Variants in CNTN4 observed in about 807,000 individuals in gnomAD.
CNTN4 encodes contactin 4.
Under a neutral mutation model 122.5 loss-of-function variants are expected in CNTN4, and 77 were observed. The observed-to-expected ratio is 0.63, with a 90% CI of 0.52 to 0.76. The LOEUF is 0.76. Ranked by LOEUF, CNTN4 falls within the 30% of genes least tolerant of loss-of-function variation. The pLI, the probability that CNTN4 is intolerant of heterozygous loss-of-function variation, is 0.00. For synonymous variants in CNTN4, 512 were observed against 447.0 expected (o/e 1.15, Z -1.83); for missense variants, 1,256 against 1,259.1 (o/e 1.00, Z 0.04).
intron 2 of CNTN4, among the ~76,000 whole-genome samples, chr3:2,119,769 A>T (rs556980152): frequency 4.3e-4 from 63 of 146,822 alleles, no homozygotes; most frequent in African/African-American, 1.5e-3. Flanking sequence ...ACCAAGCTAG[A>T]TCCTATGGGT....
At chr3:2,684,683 T>G (rs2085341363) in intron 4 of CNTN4, among the ~76,000 whole-genome samples, 1 of 152,218 alleles carries the variant, frequency 6.6e-6, no homozygotes, top group African/African-American at 2.4e-5. Context: ...TTCTCTTCAC[T>G]TATAAATACT....
At chr3:2,559,433 C>T (rs548400506) in intron 3 of CNTN4, among the ~76,000 whole-genome samples, 3 of 152,268 alleles carry the variant, frequency 2.0e-5, no homozygotes, top group South Asian at 4.2e-4. Flanking sequence ...AAATAAGGGA[C>T]TCACATAATC....
intron 12 of CNTN4, among the ~76,000 whole-genome samples, chr3:2,919,519 C>T (rs2094406135): frequency 1.3e-5 from 2 of 152,142 alleles, no homozygotes; most frequent in African/African-American, 4.8e-5. Flanking sequence ...AACTGATGTT[C>T]TAATAATAGC....
chr3:2,187,108 G>A (rs1251711375), intron 2 of CNTN4, among the ~76,000 whole-genome samples: 5 of 152,122 alleles, frequency 3.3e-5, no homozygotes, highest in Non-Finnish European at 7.3e-5. Context: ...TTTTGTATAA[G>A]GTGTAAGGAA....
At chr3:2,915,647 G>A (rs2094345567) in intron 12 of CNTN4, among the ~76,000 whole-genome samples, 1 of 152,234 alleles carries the variant, frequency 6.6e-6, no homozygotes, top group Admixed American at 6.5e-5. Context: ...CCACTTTACA[G>A]TCAGAAAATT....
At chr3:2,707,225 G>A (rs2086794785) in intron 4 of CNTN4, among the ~76,000 whole-genome samples, 1 of 151,622 alleles carries the variant, frequency 6.6e-6, no homozygotes, top group Non-Finnish European at 1.5e-5. Flanking sequence ...AGAGTCACTG[G>A]AACCCAGGAG....
chr3:2,976,563 C>T (rs1044802671), intron 13 of CNTN4, among the ~76,000 whole-genome samples: 14 of 152,174 alleles, frequency 9.2e-5, no homozygotes, highest in South Asian at 2.1e-4. Flanking sequence ...TGAAATTACC[C>T]CGGGAGGAGG....
chr3:2,433,383 C>T (rs908300543), intron 3 of CNTN4, among the ~76,000 whole-genome samples: 43 of 152,088 alleles, frequency 2.8e-4, no homozygotes, highest in African/African-American at 8.7e-4. Context: ...CCCTGATTAT[C>T]GGTGATGATG....
At chr3:2,807,691 T>C (rs2092502712) in intron 6 of CNTN4, among the ~76,000 whole-genome samples, 1 of 151,538 alleles carries the variant, frequency 6.6e-6, no homozygotes, top group Non-Finnish European at 1.5e-5. Flanking sequence ...GAGCAATGAG[T>C]CTAAGCATGA....
Position 2,769,621 on chromosome 3 carries a change from C to G in CNTN4, c.358+23924C>G, listed in dbSNP as rs1035703293. Reference sequence around the variant, plus strand: ...AAAATTGTGGTGGTACTGGTGGTAACTTTTAGTATCCATAGTTAGAAACAC... The same window carrying G: ...AAAATTGTGGTGGTACTGGTGGTAAGTTTTAGTATCCATAGTTAGAAACAC... On this transcript the variant is annotated intron_variant, in intron 6 of 24. Coordinates refer to ENST00000418658, the MANE Select transcript of CNTN4 (RefSeq NM_175607.3). 5.9e-5 allele frequency among the ~76,000 whole-genome samples: 9 copies of G among 152,106 alleles called. 1 individual carries two copies. Among genetic ancestry groups the G allele is most frequent in the Non-Finnish European group, 1.3e-4 (9 of 68,026 alleles).
intron 3 of CNTN4, among the ~76,000 whole-genome samples, chr3:2,371,620 C>G (rs975074005): frequency 6.6e-6 from 1 of 152,056 alleles, no homozygotes; most frequent in African/African-American, 2.4e-5. Flanking sequence ...TTTTGTATTT[C>G]TTTTATTATT....
At chr3:2,931,485 T>A (rs1477455546) in intron 13 of CNTN4, among the ~76,000 whole-genome samples, 1 of 152,110 alleles carries the variant, frequency 6.6e-6, no homozygotes, top group East Asian at 1.9e-4. Flanking sequence ...AAACGGGGAT[T>A]CCCATTCAAG....
chr3:2,735,096 A>G (rs977974906), intron 4 of CNTN4, among the ~76,000 whole-genome samples: 2 of 152,232 alleles, frequency 1.3e-5, no homozygotes, highest in African/African-American at 4.8e-5. Flanking sequence ...TCATGCTTTC[A>G]AAGAGCTTAT....
intron 16 of CNTN4, 45 bp from the exon 17 acceptor site, chr3:3,034,587 G>A (rs1396083543): frequency 6.2e-7 from 1 of 1,603,786 alleles, no homozygotes; most frequent in Non-Finnish European, 8.5e-7. Context: ...TTACTTGGGT[G>A]TTTGAATACA....
At chr3:2,619,578 A>G (rs892127121) in intron 4 of CNTN4, among the ~76,000 whole-genome samples, 1 of 152,170 alleles carries the variant, frequency 6.6e-6, no homozygotes, top group Admixed American at 6.6e-5. Context: ...TTGTAAAATG[A>G]TGGACATCAG....
chr3:2,773,490 A>G (rs755619415), intron 6 of CNTN4, among the ~76,000 whole-genome samples: 8 of 152,166 alleles, frequency 5.3e-5, no homozygotes, highest in Non-Finnish European at 7.3e-5. Flanking sequence ...TAACACACTG[A>G]TTGCAGCATG....
At chr3:2,214,693 AATC>A (rs1360411655) in intron 2 of CNTN4, among the ~76,000 whole-genome samples, 2 of 152,194 alleles carry the variant, frequency 1.3e-5, no homozygotes, top group Non-Finnish European at 2.9e-5. Flanking sequence ...TCTTGAAATC[AATC>A]ATAATGATCA....
chr3:2,270,642 A>AG (rs990627815), intron 2 of CNTN4, among the ~76,000 whole-genome samples: 1 of 146,852 alleles, frequency 6.8e-6, no homozygotes, highest in African/African-American at 2.4e-5. Flanking sequence ...GATGACAAGG[A>AG]GGGGGGAAAA....
chr3:2,432,948 G>A (rs550481092), intron 3 of CNTN4, among the ~76,000 whole-genome samples: 3 of 151,854 alleles, frequency 2.0e-5, no homozygotes, highest in South Asian at 4.2e-4. Context: ...TGGATTACAG[G>A]TGCACACCAC....
Sources: gnomAD v4.1 joint callset for allele counts (sites outside exome capture counted in the v4.1 genomes callset) on GRCh38, gnomAD v4.1.1 for gene constraint, MANE v1.5 for transcripts, NCBI Gene and HGNC (gene_info 2026-07-23, HGNC 2026-07-21) for gene names.